The following UNC13C variants were observed in gnomAD, a reference collection of about 807,000 sequenced individuals.
The protein encoded by UNC13C is protein unc-13 homolog C.
In UNC13C, 174 loss-of-function variants were observed where a neutral mutation model predicts 245.4. That is an observed-to-expected ratio of 0.71 (90% CI 0.63 to 0.80). UNC13C has a LOEUF of 0.80. Ranked by LOEUF, UNC13C falls within the 30% of genes least tolerant of loss-of-function variation. UNC13C has a pLI of 0.00. For missense variants in UNC13C, 2,829 were observed against 2,602.9 expected, an observed-to-expected ratio of 1.09 and a Z score of -1.89; for synonymous variants, 992 against 895.1, an observed-to-expected ratio of 1.11 and a Z score of -1.93.
At chr15:54,185,604 G>A (rs2141313059) in intron 4 of UNC13C, among the ~76,000 whole-genome samples, 1 of 148,286 alleles carries the variant, frequency 6.7e-6, no homozygotes, top group South Asian at 2.1e-4. Context: ...TATTTCTGAG[G>A]GCTCTGTTCT....
At chr15:54,622,945 C>A (rs999776046) in intron 31 of UNC13C, among the ~76,000 whole-genome samples, 2 of 152,046 alleles carry the variant, frequency 1.3e-5, no homozygotes, top group African/African-American at 4.8e-5. Flanking sequence ...CCACTTTGAG[C>A]AAAACTAGGG....
At chr15:54,136,730 G>C (rs553623330) in intron 2 of UNC13C, among the ~76,000 whole-genome samples, 1 of 152,160 alleles carries the variant, frequency 6.6e-6, no homozygotes, top group East Asian at 1.9e-4. Flanking sequence ...CTCGATATCT[G>C]ATTTGCTAAG....
At chr15:54,388,451 C>A (rs2039883742) in intron 17 of UNC13C, among the ~76,000 whole-genome samples, 1 of 152,154 alleles carries the variant, frequency 6.6e-6, no homozygotes, top group Admixed American at 6.6e-5. Flanking sequence ...GGCTGTCTCT[C>A]ATTCCTCACA....
In UNC13C at chr15:54,237,599, C is replaced by A. The variant is rs564729680; in HGVS notation, c.3157-20C>A. ...TCAACCTCCCTATGTATTAATAAGTCATAATTCTGTTTGTTTTAGACCCTG... is the reference window on the plus strand; with the variant it reads ...TCAACCTCCCTATGTATTAATAAGTAATAATTCTGTTTGTTTTAGACCCTG... On this transcript the variant is annotated intron_variant, in intron 6 of 32. Transcript: ENST00000260323. 102 of 1,600,842 alleles carry A rather than the reference C, an allele frequency of 6.4e-5. No homozygotes were observed. Among genetic ancestry groups the A allele is most frequent in the Non-Finnish European group, 8.0e-5 (94 of 1,171,518 alleles).
At chr15:54,436,178 A>C (rs1022348596) in intron 19 of UNC13C, among the ~76,000 whole-genome samples, 1 of 152,002 alleles carries the variant, frequency 6.6e-6, no homozygotes, top group African/African-American at 2.4e-5. Flanking sequence ...CAGTGTGGCT[A>C]CTCCTCAAGG....
At chr15:54,301,291 T>C (rs112949752) in intron 13 of UNC13C, among the ~76,000 whole-genome samples, 2 of 17,600 alleles carry the variant, frequency 1.1e-4, no homozygotes, top group African/African-American at 2.5e-3. Flanking sequence ...TTTCTTTTGT[T>C]TTTTTTTTTT....
intron 2 of UNC13C, among the ~76,000 whole-genome samples, chr15:54,041,579 T>A (rs1447058687): frequency 2.0e-5 from 3 of 152,178 alleles, no homozygotes; most frequent in African/African-American, 7.2e-5. Context: ...CTACATAGCA[T>A]AGTAGTTAAG....
chr15:54,097,365 A>G (rs925922264), intron 2 of UNC13C, among the ~76,000 whole-genome samples: 3 of 152,174 alleles, frequency 2.0e-5, no homozygotes, highest in African/African-American at 4.8e-5. Flanking sequence ...GACAGGAGAT[A>G]TGGATCTACC....
rs756025428 is a variant in UNC13C at position 54,014,787 on chromosome 15, A to G, written c.1884A>G (p.Gly628=). The change falls in exon 2 of 33, where the codon GGA becomes GGG. Residue 628 remains glycine (G), a synonymous_variant. Transcript: ENST00000260323. ...AAAACACAGAAACTGTGGATAGTGGAATGAGTAATGGCATGGTGTGTGCAT... is the reference window on the plus strand; with the variant it reads ...AAAACACAGAAACTGTGGATAGTGGGATGAGTAATGGCATGGTGTGTGCAT... The part of the protein sequence containing the change: ...ETENTETVDS[G]MSNGMVCASG... 8 of 1,613,728 alleles carry G rather than the reference A, an allele frequency of 5.0e-6. No homozygotes were observed. In the Admixed American group the frequency reaches 1.3e-4, roughly 27 times the overall value.
At chr15:54,505,744 C>CTTTTTTTT (rs3083161) in intron 22 of UNC13C, among the ~76,000 whole-genome samples, 2 of 129,856 alleles carry the variant, frequency 1.5e-5, no homozygotes, top group African/African-American at 5.8e-5. Flanking sequence ...AAGCTATATT[C>CTTTTTTTT]TTTTTTTTTT....
At chr15:54,261,970 A>G (rs1217032549) in intron 8 of UNC13C, among the ~76,000 whole-genome samples, 1 of 152,260 alleles carries the variant, frequency 6.6e-6, no homozygotes, top group Non-Finnish European at 1.5e-5. Context: ...TTGTCTGTAC[A>G]TATTAGAATA....
At position 54,365,500 on chromosome 15, in the gene UNC13C, A is replaced by G. The variant is rs761350480; in HGVS notation, c.4713+27011A>G. Among the ~76,000 whole-genome samples, 8 of 152,204 alleles carry G rather than the reference A, an allele frequency of 5.3e-5. No homozygotes were observed. The South Asian group carries it at 8.3e-4, about 16-fold the overall frequency. On this transcript the variant is annotated intron_variant, in intron 17 of 32. Coordinates refer to ENST00000260323, the MANE Select transcript of UNC13C (RefSeq NM_001080534.3). ...TGAAACCATCACCACCATCAAGGCC[A>G]TAAACATATCTATCACCTCCCAAAG...
chr15:54,415,910 A>G (rs905637740), intron 19 of UNC13C, among the ~76,000 whole-genome samples: 6 of 152,200 alleles, frequency 3.9e-5, no homozygotes, highest in African/African-American at 1.2e-4. Flanking sequence ...CAGGCTTACT[A>G]TGGGAACTTC....
At chr15:54,154,371 TA>T (rs1328870359) in intron 4 of UNC13C, among the ~76,000 whole-genome samples, 1 of 152,140 alleles carries the variant, frequency 6.6e-6, no homozygotes, top group Non-Finnish European at 1.5e-5. Context: ...AAATATAAAA[TA>T]CATACTTATA....
intron 3 of UNC13C, 24 bp downstream of exon 3, chr15:54,143,064 C>T: frequency 1.2e-6 from 2 of 1,601,626 alleles, no homozygotes; most frequent in Non-Finnish European, 1.7e-6. Flanking sequence ...CTTATTCTTC[C>T]CTCCTGAGGA....
chr15:54,042,412 A>C (rs1436004841), intron 2 of UNC13C, among the ~76,000 whole-genome samples: 3 of 152,212 alleles, frequency 2.0e-5, no homozygotes, highest in African/African-American at 7.2e-5. Flanking sequence ...TGATACTGCT[A>C]AGAACAAAAG....
chr15:54,091,488 T>G lies in UNC13C; in HGVS notation c.2984-51530T>G, dbSNP rs545917046. ...GAGTTGATTTGTTTATAATGATAAG[T>G]CCTTTCGTATCTACTATTGTATGGT... On this transcript the variant is annotated intron_variant, in intron 2 of 32. Transcript: ENST00000260323. Among the ~76,000 whole-genome samples the G allele has an allele frequency of 2.0e-5, 3 of 152,360 alleles. No individual in the cohort carries two copies. In the South Asian group the frequency reaches 6.2e-4, roughly 32 times the overall value.
intron 8 of UNC13C, 103 bp downstream of exon 8, chr15:54,250,547 A>T: frequency 9.5e-7 from 1 of 1,057,354 alleles, no homozygotes; most frequent in Non-Finnish European, 1.3e-6. Flanking sequence ...AAGAAATCCT[A>T]CCCGCTCCCC....
chr15:54,383,295 C>G (rs2039766579), intron 17 of UNC13C, among the ~76,000 whole-genome samples: 2 of 152,050 alleles, frequency 1.3e-5, no homozygotes. Flanking sequence ...TTATGAAATA[C>G]TAACAAACTG....
Sources: gnomAD v4.1 joint callset for allele counts (sites outside exome capture counted in the v4.1 genomes callset) on GRCh38, gnomAD v4.1.1 for gene constraint, MANE v1.5 for transcripts, NCBI Gene and HGNC (gene_info 2026-07-23, HGNC 2026-07-21) for gene names.